The following CALN1 variants were observed in gnomAD, a reference collection of about 807,000 sequenced individuals.
The protein encoded by CALN1 is calcium-binding protein 8.
Under a neutral mutation model 30.6 loss-of-function variants are expected in CALN1, and 17 were observed. The ratio of observed to expected loss-of-function variants is 0.56; its 90% confidence interval spans 0.38 to 0.83. The LOEUF is 0.83. Ranked by LOEUF, CALN1 falls within the 40% of genes least tolerant of loss-of-function variation. The pLI, the probability that CALN1 is intolerant of heterozygous loss-of-function variation, is 0.00. For synonymous variants in CALN1, 156 were observed against 131.4 expected, an observed-to-expected ratio of 1.19 and a Z score of -1.28; for missense variants, 291 against 354.9, an observed-to-expected ratio of 0.82 and a Z score of 1.45.
intron 5 of CALN1, among the ~76,000 whole-genome samples, chr7:71,936,401 A>AG (rs1364287165): frequency 7.3e-6 from 1 of 136,298 alleles, no homozygotes; most frequent in South Asian, 2.2e-4. Flanking sequence ...CTCAGTCTCA[A>AG]AAAAAAAAAA....
chr7:71,941,608 G>T (rs1332221390), intron 5 of CALN1, among the ~76,000 whole-genome samples: 1 of 152,044 alleles, frequency 6.6e-6, no homozygotes, highest in Non-Finnish European at 1.5e-5. Context: ...AAGCAACAAT[G>T]GTATACACTT....
intron 3 of CALN1, among the ~76,000 whole-genome samples, chr7:72,116,464 T>C (rs1315292778): frequency 1.3e-5 from 2 of 152,114 alleles, no homozygotes; most frequent in East Asian, 1.9e-4. Flanking sequence ...AGGTGAGATT[T>C]AGAGGCTGAG....
At chr7:72,298,636 T>C (rs1246909561) in intron 2 of CALN1, among the ~76,000 whole-genome samples, 12 of 152,126 alleles carry the variant, frequency 7.9e-5, no homozygotes, top group Non-Finnish European at 1.3e-4. Flanking sequence ...CAAATTAATA[T>C]AATCTGTAAA....
At chr7:72,031,064 C>T (rs1420549101) in intron 4 of CALN1, among the ~76,000 whole-genome samples, 1 of 152,176 alleles carries the variant, frequency 6.6e-6, no homozygotes, top group Non-Finnish European at 1.5e-5. Context: ...AAAACTGAGG[C>T]TCAAAGAGGT....
intron 5 of CALN1, among the ~76,000 whole-genome samples, chr7:71,814,481 G>A (rs142558406): frequency 6.6e-6 from 1 of 152,214 alleles, no homozygotes; most frequent in African/African-American, 2.4e-5. Context: ...GCTGAAGAGA[G>A]GGAAATGAAT....
chr7:72,483,721 C>T, the CALN1 span, among the ~76,000 whole-genome samples: 1 of 152,074 alleles, frequency 6.6e-6, no homozygotes, highest in Non-Finnish European at 1.5e-5. Context: ...CCTTTGCAGA[C>T]TCCAATTACA....
intron 3 of CALN1, among the ~76,000 whole-genome samples, chr7:72,229,398 C>T (rs1002176444): frequency 6.6e-5 from 10 of 151,980 alleles, no homozygotes; most frequent in Non-Finnish European, 1.2e-4. Context: ...GCAAGAGGAT[C>T]GCTTACCATT....
At chr7:72,410,627 G>A (rs988894399) in intron 1 of CALN1, among the ~76,000 whole-genome samples, 1 of 152,134 alleles carries the variant, frequency 6.6e-6, no homozygotes, top group African/African-American at 2.4e-5. Flanking sequence ...TTCATGTCCT[G>A]GCTTAAATTC....
chr7:72,294,521 AG>A (rs1331806346), intron 2 of CALN1, among the ~76,000 whole-genome samples: 1 of 152,060 alleles, frequency 6.6e-6, no homozygotes, highest in East Asian at 1.9e-4. Context: ...AGGTTGAGAC[AG>A]GAGGATAACT....
intron 2 of CALN1, among the ~76,000 whole-genome samples, chr7:72,315,976 G>A (rs992077192): frequency 1.7e-4 from 26 of 151,594 alleles, no homozygotes; most frequent in African/African-American, 5.3e-4. Flanking sequence ...GTGAAACCCC[G>A]TCTCTACTAA....
intron 6 of CALN1, among the ~76,000 whole-genome samples, chr7:71,788,849 G>A (rs1793144244): frequency 6.6e-6 from 1 of 151,932 alleles, no homozygotes. Flanking sequence ...TAGTAGAGAT[G>A]GGGTTTCACC....
chr7:72,256,672 T>C (rs998429423), intron 3 of CALN1, among the ~76,000 whole-genome samples: 1 of 151,940 alleles, frequency 6.6e-6, no homozygotes, highest in Non-Finnish European at 1.5e-5. Context: ...AATGGCACCA[T>C]CATAGCTCAC....
chr7:72,298,656 T>C (rs1258661966), intron 2 of CALN1, among the ~76,000 whole-genome samples: 4 of 152,108 alleles, frequency 2.6e-5, no homozygotes, highest in South Asian at 2.1e-4. Context: ...ATCCCTGATA[T>C]GGTTTGGCTT....
intron 6 of CALN1, among the ~76,000 whole-genome samples, chr7:71,792,448 C>T (rs1276280422): frequency 6.6e-6 from 1 of 152,168 alleles, no homozygotes; most frequent in Non-Finnish European, 1.5e-5. Flanking sequence ...TGTGGCTCAG[C>T]TTTCTTCTTG....
chr7:72,219,733 C>G (rs535994688), intron 3 of CALN1, among the ~76,000 whole-genome samples: 1 of 151,348 alleles, frequency 6.6e-6, no homozygotes, highest in African/African-American at 2.4e-5. Context: ...TACACACAAG[C>G]ATGCACGCAC....
At chr7:72,396,624 A>G (rs1805979504) in intron 2 of CALN1, among the ~76,000 whole-genome samples, 2 of 152,138 alleles carry the variant, frequency 1.3e-5, no homozygotes, top group Admixed American at 1.3e-4. Flanking sequence ...ACCGTCCTCT[A>G]CTATAATGGG....
chr7:72,406,975 C>T (rs899963267), intron 1 of CALN1, among the ~76,000 whole-genome samples: 1 of 152,052 alleles, frequency 6.6e-6, no homozygotes, highest in African/African-American at 2.4e-5. Context: ...TGAAAATGCC[C>T]CTGGAACACT....
At chr7:72,343,833 G>A (rs533564910) in intron 2 of CALN1, among the ~76,000 whole-genome samples, 12 of 152,116 alleles carry the variant, frequency 7.9e-5, no homozygotes, top group Non-Finnish European at 1.5e-4. Flanking sequence ...GTCTCCAGGC[G>A]AAACCTTTCA....
chr7:72,083,202 A>T (rs1805265564), intron 4 of CALN1, among the ~76,000 whole-genome samples: 1 of 152,166 alleles, frequency 6.6e-6, no homozygotes, highest in Admixed American at 6.5e-5. Flanking sequence ...CTCTGTCTCA[A>T]AAAAAGATGC....
Sources: gnomAD v4.1 joint callset for allele counts (sites outside exome capture counted in the v4.1 genomes callset) on GRCh38, gnomAD v4.1.1 for gene constraint, MANE v1.5 for transcripts, NCBI Gene and HGNC (gene_info 2026-07-23, HGNC 2026-07-21) for gene names.